The following SULF2 variants were observed in gnomAD, a reference collection of about 807,000 sequenced individuals.
The protein encoded by SULF2 is extracellular sulfatase Sulf-2.
Under a neutral mutation model 107.7 loss-of-function variants are expected in SULF2, and 52 were observed. That is an observed-to-expected ratio of 0.48 (90% CI 0.39 to 0.61). The LOEUF (loss-of-function observed/expected upper bound fraction) is 0.61. Among genes scored for constraint, SULF2 ranks in the 20% least tolerant of loss-of-function variants. The probability of loss-of-function intolerance (pLI) is 0.00; values close to 1 mark genes in which losing one functional copy is unlikely to be tolerated. For synonymous variants in SULF2, 460 were observed against 464.3 expected (o/e 0.99, Z 0.12); for missense variants, 993 against 1,177.3 (o/e 0.84, Z 2.29).
intron 1 of SULF2, among the ~76,000 whole-genome samples, chr20:47,767,573 C>T (rs909504614): frequency 6.6e-6 from 1 of 152,098 alleles, no homozygotes; most frequent in Non-Finnish European, 1.5e-5. Flanking sequence ...GAGGTCAGAT[C>T]GAGACCATCC....
chr20:47,690,204 A>G lies in SULF2; in HGVS notation c.659T>C (p.Ile220Thr). The G allele has an allele frequency of 6.4e-7, 1 of 1,574,018 alleles. No individual in the cohort carries two copies. Among genetic ancestry groups the G allele is most frequent in the South Asian group, 1.2e-5 (1 of 86,214 alleles). The change falls in exon 5 of 21, where the codon ATC becomes ACC. Residue 220 changes from isoleucine to threonine, a missense_variant. Physicochemically the swap from Ile to Thr is moderately conservative, Grantham distance 89 (BLOSUM62 -1). Coordinates refer to ENST00000688720, the MANE Select transcript of SULF2 (RefSeq NM_001387048.1). The part of the protein sequence containing the change: ...MYPHRPVLMV[I>T]SHAAPHGPED... ...AGGGCCGTGGGGGGCTGCATGGCTGATGACCATGAGGACTGGCCTGTGCGG... is the reference window on the plus strand; with the variant it reads ...AGGGCCGTGGGGGGCTGCATGGCTGGTGACCATGAGGACTGGCCTGTGCGG...
intron 18 of SULF2, 102 bp from the exon 19 acceptor site, chr20:47,659,832 A>G (rs2087008925): frequency 9.5e-6 from 8 of 842,426 alleles, no homozygotes; most frequent in East Asian, 2.5e-5. Flanking sequence ...TCACAATCCC[A>G]TGATGCTGAT....
intron 3 of SULF2, among the ~76,000 whole-genome samples, chr20:47,730,971 G>C (rs1568871188): frequency 6.6e-6 from 1 of 152,030 alleles, no homozygotes; most frequent in Non-Finnish European, 1.5e-5. Flanking sequence ...ATTGGCTCAG[G>C]GGCTGGCATG....
In SULF2 at chr20:47,690,139, C is replaced by T. The variant is rs142401598; in HGVS notation, c.724G>A (p.Ala242Thr). 1.0e-4 allele frequency: 152 copies of T among 1,497,370 alleles called. 1 individual carries two copies. Among genetic ancestry groups the T allele is most frequent in the South Asian group, 3.2e-4 (23 of 72,610 alleles). 92.8% of individuals were successfully genotyped at this position (1,497,370 alleles called of 1,614,324 possible). Reference sequence around the variant, plus strand: ...GCTGAGGCTTACATGTGCTGAGATGCGTTTGGGAAGAGGCGTGAATATTGT... The same window carrying T: ...GCTGAGGCTTACATGTGCTGAGATGTGTTTGGGAAGAGGCGTGAATATTGT... ...APQYSRLFPN[A>T]SQHITPSYNY... Residue 242 changes from alanine (A) to threonine (T), a missense_variant, in exon 5 of 21, where the codon GCA (alanine) becomes ACA (threonine). This residue lies in a region of SULF2 where 388 missense variants were observed against 449.2 expected (regional missense o/e 0.86). Transcript: ENST00000688720.
chr20:47,767,908 CAAA>C (rs11483856), intron 1 of SULF2, among the ~76,000 whole-genome samples: 34 of 140,062 alleles, frequency 2.4e-4, no homozygotes, highest in African/African-American at 4.9e-4. Flanking sequence ...GACTCTGTCT[CAAA>C]AAAAAAAAAA....
chr20:47,667,066 A>C (rs570222812), intron 11 of SULF2, among the ~76,000 whole-genome samples: 3 of 152,334 alleles, frequency 2.0e-5, no homozygotes, highest in African/African-American at 7.2e-5. Context: ...AGAGGTGTGC[A>C]ACACTGTGAA....
chr20:47,780,778 T>C (rs1176316423), intron 1 of SULF2, among the ~76,000 whole-genome samples: 3 of 152,168 alleles, frequency 2.0e-5, no homozygotes, highest in Admixed American at 2.0e-4. Context: ...GGTCTCAAAC[T>C]CCTGACCTCA....
At position 47,665,904 on chromosome 20, in the gene SULF2, T is replaced by C. The variant is rs1409120262; in HGVS notation, c.1855A>G (p.Lys619Glu). 1 of 1,614,082 alleles carries C rather than the reference T, an allele frequency of 6.2e-7. No individual in the cohort carries two copies. The highest frequency in any genetic ancestry group is 1.7e-5 in the Admixed American group (1 of 60,026). Residue 619 changes from lysine (K) to glutamate (E), a missense_variant, in exon 13 of 21, where the codon AAG (lysine) becomes GAG (glutamate). Around this residue, in one of 3 missense-constraint regions of SULF2, gnomAD observed 497 missense variants for 544.1 expected, o/e 0.91. Coordinates refer to ENST00000688720, the MANE Select transcript of SULF2 (RefSeq NM_001387048.1). ...DTVQCDLDLY[K>E]SLQAWKDHKL... ...TGGTCTTTCCAGGCCTGCAGGGACT[T>C]GTACAGGTCCAGGTCACACTGGACT...
At chr20:47,711,260 G>C (rs1041698780) in intron 3 of SULF2, among the ~76,000 whole-genome samples, 2 of 152,254 alleles carry the variant, frequency 1.3e-5, no homozygotes, top group Non-Finnish European at 2.9e-5. Flanking sequence ...AGTGCCCAAA[G>C]CGTCTCTGCA....
intron 3 of SULF2, among the ~76,000 whole-genome samples, chr20:47,727,559 C>T (rs1006627817): frequency 1.3e-5 from 2 of 152,164 alleles, no homozygotes; most frequent in Admixed American, 6.5e-5. Flanking sequence ...GGGGGTGGGA[C>T]AGAGAGGGTG....
At chr20:47,723,079 A>C (rs2089339210) in intron 3 of SULF2, among the ~76,000 whole-genome samples, 1 of 151,870 alleles carries the variant, frequency 6.6e-6, no homozygotes, top group African/African-American at 2.4e-5. Context: ...AAAAAAACCA[A>C]AACAAAAAAC....
intron 2 of SULF2, among the ~76,000 whole-genome samples, chr20:47,755,872 C>T (rs1325542918): frequency 6.6e-6 from 1 of 151,952 alleles, no homozygotes; most frequent in East Asian, 1.9e-4. Flanking sequence ...CTTCATCTCT[C>T]TCCATCACGG....
intron 11 of SULF2, among the ~76,000 whole-genome samples, chr20:47,667,115 T>G (rs1396531609): frequency 1.3e-5 from 2 of 152,152 alleles, no homozygotes; most frequent in African/African-American, 4.8e-5. Context: ...ATTGTAAAAA[T>G]GGTGAGTTTG....
intron 1 of SULF2, among the ~76,000 whole-genome samples, chr20:47,766,663 G>C (rs1014892903): frequency 6.6e-6 from 1 of 152,200 alleles, no homozygotes; most frequent in Non-Finnish European, 1.5e-5. Context: ...GATACTCTAA[G>C]TCAACATAGG....
At chr20:47,738,133 G>T (rs890703379) in intron 2 of SULF2, among the ~76,000 whole-genome samples, 27 of 152,212 alleles carry the variant, frequency 1.8e-4, no homozygotes, top group African/African-American at 6.3e-4. Context: ...AAATGAACGT[G>T]TGTGGGAGCC....
intron 9 of SULF2, 196 bp from the exon 10 acceptor site, chr20:47,676,819 T>A: frequency 1.5e-6 from 1 of 682,530 alleles, no homozygotes; most frequent in Non-Finnish European, 2.4e-6. Flanking sequence ...ACTTCCCAAA[T>A]TGCATGAGTT....
intron 3 of SULF2, among the ~76,000 whole-genome samples, chr20:47,731,117 C>A (rs1173081791): frequency 1.3e-5 from 2 of 151,596 alleles, no homozygotes; most frequent in Non-Finnish European, 2.9e-5. Context: ...AGACCTCCAG[C>A]CTCGTGATAT....
At chr20:47,780,308 C>T (rs1032155787) in intron 1 of SULF2, among the ~76,000 whole-genome samples, 3 of 152,110 alleles carry the variant, frequency 2.0e-5, no homozygotes, top group African/African-American at 7.2e-5. Context: ...TGAGCCACCA[C>T]GCCTGGCCTA....
chr20:47,722,460 C>T (rs1158423000), intron 3 of SULF2, among the ~76,000 whole-genome samples: 1 of 151,952 alleles, frequency 6.6e-6, no homozygotes. Context: ...CAGGGTCTCT[C>T]TATGTTGCCC....
Sources: allele counts gnomAD v4.1 joint callset (sites outside exome capture counted in the v4.1 genomes callset), GRCh38; gene constraint gnomAD v4.1.1; regional missense constraint gnomAD v4.1.1; transcripts MANE v1.5; gene names NCBI Gene and HGNC (gene_info 2026-07-23, HGNC 2026-07-21).